PKHD1: variants seen among roughly 807,000 people sequenced by gnomAD.
The protein encoded by PKHD1 is PKHD1 ciliary IPT domain containing fibrocystin/polyductin.
PKHD1 carries 291 observed loss-of-function variants against 412.0 expected under a neutral mutation model. The observed-to-expected ratio is 0.71, with a 90% CI of 0.64 to 0.78. The LOEUF (loss-of-function observed/expected upper bound fraction) is 0.78, where lower values mean the gene tolerates loss of function less well. Ranked by LOEUF, PKHD1 falls within the 30% of genes least tolerant of loss-of-function variation. PKHD1 has a pLI of 0.00. For synonymous variants in PKHD1, 1,777 were observed against 1,821.5 expected, an observed-to-expected ratio of 0.98 and a Z score of 0.62; for missense variants, 4,825 against 4,950.7, an observed-to-expected ratio of 0.97 and a Z score of 0.76.
chr6:51,747,556 T>A (rs561253796), intron 58 of PKHD1, among the ~76,000 whole-genome samples: 1 of 152,160 alleles, frequency 6.6e-6, no homozygotes, highest in East Asian at 1.9e-4. Context: ...TCAAATTTTT[T>A]AAATTTTATT....
Position 51,921,461 on chromosome 6 carries a change from T to C in PKHD1, c.6122-8885A>G, listed in dbSNP as rs575002154. Among the ~76,000 whole-genome samples the C allele has an allele frequency of 7.8e-3, 1,187 of 152,322 alleles. 15 individuals are homozygous for C. Among genetic ancestry groups the C allele is most frequent in the African/African-American group, 0.026 (1,078 of 41,570 alleles). On this transcript the variant is annotated intron_variant, in intron 37 of 66. Coordinates refer to ENST00000371117, the MANE Select transcript of PKHD1 (RefSeq NM_138694.4). ...TGGCATTCTCTGTATTTCCTGAATT[T>C]GAATGTTGGCCTGCCTTGCTAGGTT...
Position 52,046,134 on chromosome 6 carries a change from G to T in PKHD1, c.2462C>A (p.Ala821Asp), listed in dbSNP as rs1805779757. 1 of 1,613,474 alleles carries T rather than the reference G, an allele frequency of 6.2e-7. No homozygotes were observed. Residue 821 changes from alanine (A) to aspartate (D), a missense_variant, in exon 24 of 67, where the codon GCC becomes GAC. Coordinates refer to ENST00000371117, the MANE Select transcript of PKHD1 (RefSeq NM_138694.4). The stretch of plus-strand genomic sequence containing the variant: ...GAGGTACCTGGATGTGAAGTCATCG[G>T]CATTATTCTGTAAGAGCTGGTGAAG... ...HHLHQLLQNN[A>D]DDFTSRYLNA...
chr6:51,943,651 C>T (rs1031537424), intron 36 of PKHD1, among the ~76,000 whole-genome samples: 10 of 151,682 alleles, frequency 6.6e-5, no homozygotes, highest in Non-Finnish European at 1.5e-4. Flanking sequence ...TGTCCTGGAT[C>T]CTCCCAATTC....
At chr6:51,634,386 G>T (rs868357701) in intron 64 of PKHD1, among the ~76,000 whole-genome samples, 1 of 152,126 alleles carries the variant, frequency 6.6e-6, no homozygotes, top group African/African-American at 2.4e-5. Flanking sequence ...TCAAGTAATT[G>T]CTTTTTATGG....
At chr6:51,959,815 CTACAAGTGA>C in intron 36 of PKHD1, 46 bp downstream of exon 36, 1 of 1,495,320 alleles carries the variant, frequency 6.7e-7, no homozygotes, top group Non-Finnish European at 9.3e-7. Flanking sequence ...TCCATCCCCC[CTACAAGTGA>C]TATAATCATA....
At position 52,045,007 on chromosome 6, in the gene PKHD1, T is replaced by C. The variant is rs1202861441; in HGVS notation, c.2674A>G (p.Ile892Val). The C allele has an allele frequency of 3.1e-6, 5 of 1,613,584 alleles. No homozygotes were observed. The highest frequency in any genetic ancestry group is 4.2e-6 in the Non-Finnish European group (5 of 1,179,648). ...GCAGTAGCCAACATGTCTCCAAATA[T>C]GGGTCCAAGAAAAACTCCACCATCA... ...VYDGGVFLGP[I>V]FGDMLATANQ... The change falls in exon 25 of 67, where the codon ATA becomes GTA. Residue 892 changes from isoleucine to valine, a missense_variant. By Grantham distance (29) the Ile-to-Val change is conservative. Transcript: ENST00000371117.
chr6:51,753,142 G>C (rs1786374488), intron 57 of PKHD1, 59 bp downstream of exon 57: 1 of 1,421,420 alleles, frequency 7.0e-7, no homozygotes, highest in Non-Finnish European at 9.9e-7. Flanking sequence ...GGGATTTCTG[G>C]GTGTCCCAGA....
At chr6:52,077,468 T>C (rs1811489025) in intron 5 of PKHD1, among the ~76,000 whole-genome samples, 1 of 152,216 alleles carries the variant, frequency 6.6e-6, no homozygotes, top group Non-Finnish European at 1.5e-5. Flanking sequence ...CCTACAGTGC[T>C]TCCCATTTGC....
intron 35 of PKHD1, among the ~76,000 whole-genome samples, chr6:52,000,946 C>T (rs1798300379): frequency 1.3e-5 from 2 of 152,116 alleles, no homozygotes; most frequent in African/African-American, 2.4e-5. Flanking sequence ...TGCATTCAGG[C>T]TAATTTCCTG....
At chr6:51,989,187 G>GA (rs918050343) in intron 35 of PKHD1, among the ~76,000 whole-genome samples, 21 of 150,984 alleles carry the variant, frequency 1.4e-4, no homozygotes, top group Middle Eastern at 3.4e-3. Flanking sequence ...TGAGAGAAAG[G>GA]AAAAAAAACA....
intron 35 of PKHD1, among the ~76,000 whole-genome samples, chr6:51,975,275 AAAAT>A (rs1174850205): frequency 1.3e-5 from 2 of 152,172 alleles, no homozygotes; most frequent in African/African-American, 4.8e-5. Context: ...AGCAGTACAA[AAAAT>A]AAATAAATAA....
intron 37 of PKHD1, among the ~76,000 whole-genome samples, chr6:51,913,659 ACTTGAATCTC>A (rs1783336168): frequency 6.6e-6 from 1 of 152,130 alleles, no homozygotes; most frequent in South Asian, 2.1e-4. Flanking sequence ...AAGTAATAAT[ACTTGAATCTC>A]TAACTACAGA....
intron 41 of PKHD1, 152 bp downstream of exon 41, chr6:51,906,063 T>C (rs1782025295): frequency 2.9e-6 from 2 of 678,682 alleles, no homozygotes; most frequent in Non-Finnish European, 5.2e-6. Context: ...GATGACTACA[T>C]TTAAATTTAG....
chr6:51,846,253 A>G (rs1284943335), intron 50 of PKHD1, among the ~76,000 whole-genome samples: 1 of 152,216 alleles, frequency 6.6e-6, no homozygotes, highest in African/African-American at 2.4e-5. Context: ...TTAAAATTTA[A>G]CAGTTCTGGG....
At chr6:52,075,910 A>G (rs763161818) in intron 6 of PKHD1, among the ~76,000 whole-genome samples, 1 of 152,224 alleles carries the variant, frequency 6.6e-6, no homozygotes, top group Non-Finnish European at 1.5e-5. Context: ...AAGATATCTG[A>G]AGAGCTTAGA....
intron 52 of PKHD1, among the ~76,000 whole-genome samples, chr6:51,813,914 A>G (rs1241873859): frequency 6.6e-6 from 1 of 152,176 alleles, no homozygotes; most frequent in Non-Finnish European, 1.5e-5. Flanking sequence ...ATAAAGCTAC[A>G]TGAGTCTTTG....
At chr6:51,946,794 A>G (rs918846213) in intron 36 of PKHD1, among the ~76,000 whole-genome samples, 1 of 152,256 alleles carries the variant, frequency 6.6e-6, no homozygotes, top group Non-Finnish European at 1.5e-5. Flanking sequence ...ACCTCTTTCC[A>G]TTAAACATCT....
intron 52 of PKHD1, among the ~76,000 whole-genome samples, chr6:51,820,715 C>T (rs12197299): frequency 0.41 from 62,753 of 151,852 alleles, 14,614 homozygotes; most frequent in East Asian, 0.71. Flanking sequence ...ACCTAAGGGT[C>T]AGCAATGAGC....
chr6:51,638,031 A>G (rs1405856539), intron 64 of PKHD1, among the ~76,000 whole-genome samples: 1 of 152,244 alleles, frequency 6.6e-6, no homozygotes, highest in Non-Finnish European at 1.5e-5. Flanking sequence ...TCTCAAACAT[A>G]TATTTGTTTC....
Sources: allele counts gnomAD v4.1 joint callset (sites outside exome capture counted in the v4.1 genomes callset), GRCh38; gene constraint gnomAD v4.1.1; transcripts MANE v1.5; gene names NCBI Gene and HGNC (gene_info 2026-07-23, HGNC 2026-07-21).